The following CHN2 variants were observed in gnomAD, a reference collection of about 807,000 sequenced individuals.
CHN2 encodes chimerin 2.
Under a neutral mutation model 56.3 loss-of-function variants are expected in CHN2, and 35 were observed. That is an observed-to-expected ratio of 0.62 (90% CI 0.47 to 0.82). The LOEUF is 0.82. Ranked by LOEUF, CHN2 falls within the 40% of genes least tolerant of loss-of-function variation. The pLI, the probability that CHN2 is intolerant of heterozygous loss-of-function variation, is 0.00. For synonymous variants in CHN2, 210 were observed against 212.8 expected, an observed-to-expected ratio of 0.99 and a Z score of 0.12; for missense variants, 491 against 580.5, an observed-to-expected ratio of 0.85 and a Z score of 1.58.
At chr7:29,344,933 C>A (rs1034554236) in intron 1 of CHN2, among the ~76,000 whole-genome samples, 2 of 152,090 alleles carry the variant, frequency 1.3e-5, no homozygotes, top group African/African-American at 4.8e-5. Flanking sequence ...TGTTTGGGAC[C>A]CTCAGAAGAA....
At chr7:29,148,216 C>G (rs1278668087) in intron 2 of CHN2, among the ~76,000 whole-genome samples, 2 of 152,214 alleles carry the variant, frequency 1.3e-5, no homozygotes, top group African/African-American at 4.8e-5. Context: ...GGGCCCTGGA[C>G]AAGGGCTCCT....
At chr7:29,428,775 A>G (rs1344382199) in intron 6 of CHN2, among the ~76,000 whole-genome samples, 1 of 152,174 alleles carries the variant, frequency 6.6e-6, no homozygotes, top group Non-Finnish European at 1.5e-5. Context: ...ATATTTTTGT[A>G]TTTTTAATGT....
chr7:29,358,494 G>A (rs12700957), intron 2 of CHN2, among the ~76,000 whole-genome samples: 34,035 of 151,608 alleles, frequency 0.22, 4,513 homozygotes, highest in Non-Finnish European at 0.3. Flanking sequence ...ATGGAGTCTC[G>A]CTCTTTCACC....
At chr7:29,425,726 C>T (rs1283104300) in intron 6 of CHN2, among the ~76,000 whole-genome samples, 2 of 152,004 alleles carry the variant, frequency 1.3e-5, no homozygotes, top group Admixed American at 6.6e-5. Context: ...AAGATCAATA[C>T]TGTATATAAA....
At chr7:29,291,650 G>A (rs57157191) in intron 1 of CHN2, among the ~76,000 whole-genome samples, 7,897 of 152,080 alleles carry the variant, frequency 0.052, 280 homozygotes, top group African/African-American at 0.094. Flanking sequence ...CTATTGTTAC[G>A]TATTTAGGTT....
At chr7:29,214,689 A>G (rs1478754549) in intron 1 of CHN2, among the ~76,000 whole-genome samples, 2 of 152,214 alleles carry the variant, frequency 1.3e-5, no homozygotes, top group African/African-American at 4.8e-5. Context: ...AGGCGGAGGT[A>G]GGGACATATT....
intron 6 of CHN2, among the ~76,000 whole-genome samples, chr7:29,447,291 A>C (rs1304141147): frequency 2.6e-5 from 4 of 152,240 alleles, no homozygotes; most frequent in Non-Finnish European, 5.9e-5. Context: ...AACCTTTAGA[A>C]ATGAAAATTC....
At chr7:29,460,162 A>G (rs1204076859) in intron 6 of CHN2, among the ~76,000 whole-genome samples, 1 of 152,224 alleles carries the variant, frequency 6.6e-6, no homozygotes, top group Non-Finnish European at 1.5e-5. Context: ...CTGGATTTTT[A>G]AAGCCCCCTG....
At chr7:29,330,150 A>T (rs193130852) in intron 1 of CHN2, among the ~76,000 whole-genome samples, 2 of 152,338 alleles carry the variant, frequency 1.3e-5, no homozygotes, top group East Asian at 3.8e-4. Context: ...CCCATTTCTT[A>T]TTGAAATAAT....
chr7:29,295,313 G>GT (rs1793039984), intron 1 of CHN2, among the ~76,000 whole-genome samples: 1 of 63,462 alleles, frequency 1.6e-5, no homozygotes, highest in African/African-American at 6.6e-5. Flanking sequence ...GTTTAGCTGT[G>GT]AACACACACA....
chr7:29,189,336 A>G (rs1402858502), intron 2 of CHN2, among the ~76,000 whole-genome samples: 1 of 152,144 alleles, frequency 6.6e-6, no homozygotes, highest in East Asian at 1.9e-4. Flanking sequence ...GAGTGAATTA[A>G]TGAATGCTTG....
At chr7:29,504,272 G>A (rs1275913275) in intron 9 of CHN2, among the ~76,000 whole-genome samples, 4 of 151,938 alleles carry the variant, frequency 2.6e-5, no homozygotes, top group African/African-American at 4.8e-5. Context: ...CCCCATTTGC[G>A]CTGCTGTGAT....
chr7:29,173,027 A>T (rs548434808), intron 2 of CHN2, among the ~76,000 whole-genome samples: 26 of 151,812 alleles, frequency 1.7e-4, no homozygotes, highest in African/African-American at 5.1e-4. Context: ...GCCACTCAGG[A>T]GCCTGGGGAA....
chr7:29,379,515 TGATGGATG>T (rs1238865157), intron 3 of CHN2, among the ~76,000 whole-genome samples: 1 of 152,184 alleles, frequency 6.6e-6, no homozygotes, highest in South Asian at 2.1e-4. Flanking sequence ...AAAGTTGGAT[TGATGGATG>T]GATAGAGGAA....
chr7:29,482,197 T>C (rs1267242983), intron 7 of CHN2, among the ~76,000 whole-genome samples: 2 of 152,164 alleles, frequency 1.3e-5, no homozygotes. Context: ...AGGCACAAAA[T>C]AGAGAAGCTG....
intron 1 of CHN2, among the ~76,000 whole-genome samples, chr7:29,273,639 T>G (rs9987041): frequency 0.78 from 117,396 of 151,370 alleles, 46,558 homozygotes; most frequent in East Asian, 1. Context: ...CCCCCCAACA[T>G]TATACTAGGT....
At chr7:29,158,725 G>T (rs562622943) in intron 2 of CHN2, among the ~76,000 whole-genome samples, 1 of 152,322 alleles carries the variant, frequency 6.6e-6, no homozygotes, top group East Asian at 1.9e-4. Flanking sequence ...TGTTCCTGGA[G>T]ATTTTGCTTG....
intron 6 of CHN2, among the ~76,000 whole-genome samples, chr7:29,446,615 C>T (rs138636842): frequency 7.2e-5 from 11 of 152,204 alleles, no homozygotes; most frequent in Non-Finnish European, 1.0e-4. Context: ...AGAGTTCACA[C>T]GACCCGGTAA....
chr7:29,429,203 G>C (rs1805166361), intron 6 of CHN2, among the ~76,000 whole-genome samples: 1 of 152,122 alleles, frequency 6.6e-6, no homozygotes, highest in Non-Finnish European at 1.5e-5. Context: ...CATATACTCA[G>C]ACCACTTCAG....
Sources: allele counts gnomAD v4.1 joint callset (sites outside exome capture counted in the v4.1 genomes callset), GRCh38; gene constraint gnomAD v4.1.1; transcripts MANE v1.5; gene names NCBI Gene and HGNC (gene_info 2026-07-23, HGNC 2026-07-21).